TMEM59L: variants seen among roughly 807,000 people sequenced by gnomAD.
TMEM59L encodes transmembrane protein 59-like.
A neutral mutation model predicts 39.6 loss-of-function variants in TMEM59L; 31 were observed. The ratio of observed to expected loss-of-function variants is 0.78; its 90% CI spans 0.59 to 1.06. TMEM59L has a LOEUF of 1.06. Ranked by LOEUF, TMEM59L falls within the 50% of genes least tolerant of loss-of-function variation. The pLI is 0.00. For missense variants in TMEM59L, 441 were observed against 451.3 expected, an observed-to-expected ratio of 0.98 and a Z score of 0.21; for synonymous variants, 219 against 202.9, an observed-to-expected ratio of 1.08 and a Z score of -0.68.
intron 5 of TMEM59L, chr19:18,617,709 A>T: frequency 2.7e-6 from 1 of 371,298 alleles, no homozygotes; most frequent in Non-Finnish European, 5.2e-6. Flanking sequence ...AGGGTTCTGC[A>T]GTCCATCTCC....
Position 18,612,976 on chromosome 19 carries a change from G to A in TMEM59L, c.18G>A (p.Leu6=), listed in dbSNP as rs1328609801. The A allele has an allele frequency of 1.6e-5, 22 of 1,343,346 alleles. No individual in the cohort carries two copies. Among genetic ancestry groups the A allele is most frequent in the Non-Finnish European group, 2.1e-5 (22 of 1,051,288 alleles). 83.2% of individuals were successfully genotyped at this position (1,343,346 alleles called of 1,614,324 possible). Residue 6 remains leucine, a synonymous_variant, in exon 1 of 8, where the codon CTG becomes CTA. Transcript: ENST00000262817. This position sits in a 1 kb window ranked among gnomAD's most constrained non-coding sequence, Gnocchi z 6.2. ...GCCCGGCCATGGCTGCGGTGGCGCT[G>A]ATGCCACCGCCGCTGCTGCTGCTGC... MAAVA[L]MPPPLLLLLL...
rs371885428 is a variant in TMEM59L, at chr19:18,618,772, G to C, written c.900+280G>C. On this transcript the variant is annotated intron_variant, in intron 7 of 7. Coordinates refer to ENST00000262817, the MANE Select transcript of TMEM59L (RefSeq NM_012109.3). ...TGCAATGGCACCATCTCGGCTCACT[G>C]CAACCTCCACCTCCTGGGTTCAAGC... is the stretch of plus-strand genomic sequence containing the variant. Among the ~76,000 whole-genome samples the C allele has an allele frequency of 1.4e-4, 21 of 150,196 alleles. No individual in the cohort carries two copies. In the East Asian group the frequency reaches 1.8e-3, roughly 13 times the overall value.
chr19:18,617,138 G>T (rs772227425), intron 5 of TMEM59L, 36 bp downstream of exon 5: 2 of 1,533,814 alleles, frequency 1.3e-6, no homozygotes, highest in Admixed American at 1.7e-5. Flanking sequence ...CCTTCCATGG[G>T]TGGCCCCACT....
rs1225576645 is a variant in TMEM59L at position 18,617,578 on chromosome 19, T to C, written c.664+476T>C. The C allele has an allele frequency of 6.6e-6, 3 of 455,626 alleles. No homozygotes were observed. The Admixed American group carries it at 7.1e-5, about 11-fold the overall frequency. The allele number at this position is 455,626 out of a possible 1,614,324, so 28.2% of individuals were successfully genotyped here. The stretch of plus-strand genomic sequence containing the variant: ...CATCTCTCAGAGTTCCATGGGTTCA[T>C]CTCCTAGGGTCATCTCCTAGGGTCC... On this transcript the variant is annotated intron_variant, in intron 5 of 7. Transcript: ENST00000262817.
In TMEM59L at chr19:18,620,717, G is replaced by A. The variant is rs1333578137; in HGVS notation, c.*181G>A. 1.1e-6 allele frequency: 1 copy of A among 891,684 alleles called. No homozygotes were observed. Among genetic ancestry groups the A allele is most frequent in the African/African-American group, 1.7e-5 (1 of 59,160 alleles). 55.2% of individuals were successfully genotyped at this position (891,684 alleles called of 1,614,324 possible). A position where few individuals can be genotyped will look rare whatever the true frequency, so the allele number is the denominator to read the frequency against. ...CCTGGGGACGCAGTGCCCCAGCTGG[G>A]AAGAGGGCGGGATCGGGCACTGGTT... is the stretch of plus-strand genomic sequence containing the variant. On this transcript the variant is annotated 3_prime_UTR_variant, in exon 8 of 8. Coordinates refer to ENST00000262817, the MANE Select transcript of TMEM59L (RefSeq NM_012109.3).
Position 18,618,452 on chromosome 19 carries a change from C to T in TMEM59L, c.860C>T (p.Ser287Phe), listed in dbSNP as rs1331288898. The change falls in exon 7 of 8, where the codon TCC (serine) becomes TTC (phenylalanine). Residue 287 changes from serine to phenylalanine, a missense_variant. Transcript: ENST00000262817. Reference sequence around the variant, plus strand: ...CTGGTGATGCTGTGGCTGAGCTGCTCCACCCTGGTGACCGCGCCTGGCCAG... The same window carrying T: ...CTGGTGATGCTGTGGCTGAGCTGCTTCACCCTGGTGACCGCGCCTGGCCAG... ...SVLVMLWLSC[S>F]TLVTAPGQHL... is the part of the protein sequence containing the mutation. The T allele has an allele frequency of 6.2e-7, 1 of 1,607,612 alleles. No individual in the cohort carries two copies. Among genetic ancestry groups the T allele is most frequent in the Admixed American group, 1.7e-5 (1 of 59,574 alleles).
In TMEM59L at chr19:18,613,077, A is replaced by C; in HGVS notation, c.119A>C (p.Gln40Pro). The C allele has an allele frequency of 2.9e-6, 4 of 1,358,792 alleles. No homozygotes were observed. The highest frequency in any genetic ancestry group is 3.8e-6 in the Non-Finnish European group (4 of 1,058,430). 84.2% of individuals were successfully genotyped at this position (1,358,792 alleles called of 1,614,324 possible). Residue 40 changes from glutamine (Q) to proline (P), a missense_variant, in exon 1 of 8, where the codon CAG (glutamine) becomes CCG (proline). Coordinates refer to ENST00000262817, the MANE Select transcript of TMEM59L (RefSeq NM_012109.3). Reference protein sequence around the residue: ...DPFAPQLGDTQNCQLRCRDRD... With the variant: ...DPFAPQLGDTPNCQLRCRDRD... ...TTCGCCCCCCAGCTCGGGGACACGC[A>C]GAACTGCCAGCTGCGGTGCCGCGAC...
At chr19:18,617,973 CTAGGATCCATCT>C in intron 5 of TMEM59L, 170 bp from the exon 6 acceptor site, 1 of 652,686 alleles carries the variant, frequency 1.5e-6, no homozygotes, top group South Asian at 1.8e-5. Context: ...GGTTCATCTC[CTAGGATCCATCT>C]CCCAGGGTTC....
intron 3 of TMEM59L, 67 bp downstream of exon 3, chr19:18,614,262 ATCT>A (rs1976405131): frequency 6.7e-7 from 1 of 1,503,624 alleles, no homozygotes; most frequent in African/African-American, 1.4e-5. Context: ...CCCGTGGGAA[ATCT>A]TCATTCACGT....
Position 18,617,049 on chromosome 19 carries a change from G to A in TMEM59L, c.611G>A (p.Arg204His), listed in dbSNP as rs539154738. ...SLGFQGGRLQRVEVTWRGSHP... is the reference protein window; with the variant it reads ...SLGFQGGRLQHVEVTWRGSHP... The stretch of plus-strand genomic sequence containing the variant: ...GGCTTCCAGGGGGGCCGTCTGCAGC[G>A]CGTGGAGGTGACCTGGCGAGGCTCC... The change falls in exon 5 of 8, where the codon CGC (arginine) becomes CAC (histidine). Residue 204 changes from arginine (R) to histidine (H), a missense_variant. Arg to His is a conservative substitution (Grantham distance 29, BLOSUM62 0). Coordinates refer to ENST00000262817, the MANE Select transcript of TMEM59L (RefSeq NM_012109.3). The A allele has an allele frequency of 1.1e-4, 180 of 1,613,348 alleles. 1 individual carries two copies. In the Admixed American group the frequency reaches 1.9e-3, roughly 17 times the overall value.
At position 18,616,984 on chromosome 19, in the gene TMEM59L, C is replaced by A; in HGVS notation, c.562-16C>A. On this transcript the variant is annotated splice_polypyrimidine_tract_variant and intron_variant, in intron 4 of 7. Transcript: ENST00000262817. ...GTTCTCACAAGCCTCTCTGTGCTGT[C>A]TTGTTCCTGGCCCAGACTCAGCCCA... The A allele has an allele frequency of 6.3e-7, 1 of 1,594,024 alleles. No homozygotes were observed. The highest frequency in any genetic ancestry group is 8.6e-7 in the Non-Finnish European group (1 of 1,168,418).
rs57681167 is a variant in TMEM59L at position 18,619,973 on chromosome 19, TCACACACACACA to T, written c.901-398_901-387del. On this transcript the variant is annotated intron_variant, in intron 7 of 7. Coordinates refer to ENST00000262817, the MANE Select transcript of TMEM59L (RefSeq NM_012109.3). ...AGCCTGGACAACAGAGAAGACCCCA[TCACACACACACA>T]CACACACACACACACACACACACAC... Among the ~76,000 whole-genome samples the T allele has an allele frequency of 9.9e-3, 1,155 of 116,914 alleles. 18 individuals carry two copies. Among genetic ancestry groups the T allele is most frequent in the African/African-American group, 0.033 (962 of 29,578 alleles). 76.7% of individuals were successfully genotyped at this position (116,914 alleles called of 152,430 possible).
intron 7 of TMEM59L, among the ~76,000 whole-genome samples, chr19:18,619,576 G>A (rs1460577092): frequency 6.6e-6 from 1 of 152,074 alleles, no homozygotes; most frequent in Admixed American, 6.6e-5. Flanking sequence ...AGGCCGAGGT[G>A]GGCGGATCAC....
chr19:18,619,416 C>T (rs893331196), intron 7 of TMEM59L, among the ~76,000 whole-genome samples: 4 of 152,206 alleles, frequency 2.6e-5, no homozygotes, highest in Admixed American at 2.0e-4. Flanking sequence ...GTGTTGGCCT[C>T]ACCTCTATCA....
In TMEM59L at chr19:18,616,987, G is replaced by A; in HGVS notation, c.562-13G>A. 3 of 1,597,568 alleles carry A rather than the reference G, an allele frequency of 1.9e-6. No homozygotes were observed. The highest frequency in any genetic ancestry group is 2.6e-6 in the Non-Finnish European group (3 of 1,170,766). ...CTCACAAGCCTCTCTGTGCTGTCTTGTTCCTGGCCCAGACTCAGCCCATAG... is the reference window on the plus strand; with the variant it reads ...CTCACAAGCCTCTCTGTGCTGTCTTATTCCTGGCCCAGACTCAGCCCATAG... On this transcript the variant is annotated splice_polypyrimidine_tract_variant and intron_variant, in intron 4 of 7. Transcript: ENST00000262817.
Position 18,617,057 on chromosome 19 carries a change from G to A in TMEM59L, c.619G>A (p.Val207Met), listed in dbSNP as rs762607917. Residue 207 changes from valine to methionine, a missense_variant, in exon 5 of 8, where the codon GTG becomes ATG. Val to Met is a conservative substitution (Grantham distance 21). Transcript: ENST00000262817. ...GGGGGGCCGTCTGCAGCGCGTGGAG[G>A]TGACCTGGCGAGGCTCCCACCCTGA... ...FQGGRLQRVE[V>M]TWRGSHPEAL... is the part of the protein sequence containing the mutation. The A allele has an allele frequency of 2.5e-6, 4 of 1,613,288 alleles. No homozygotes were observed. The highest frequency in any genetic ancestry group is 3.4e-6 in the Non-Finnish European group (4 of 1,179,920).
intron 7 of TMEM59L, 115 bp from the exon 8 acceptor site, chr19:18,620,293 C>T: frequency 1.9e-6 from 2 of 1,062,754 alleles, no homozygotes; most frequent in Non-Finnish European, 2.6e-6. Context: ...CAGAGAGAGA[C>T]TCTCTCAAAA....
chr19:18,613,085 C>G lies in TMEM59L; in HGVS notation c.127C>G (p.Gln43Glu). ...APQLGDTQNC[Q>E]LRCRDRDLGP... Reference sequence around the variant, plus strand: ...CCAGCTCGGGGACACGCAGAACTGCCAGCTGCGGTGCCGCGACCGCGACCT... The same window carrying G: ...CCAGCTCGGGGACACGCAGAACTGCGAGCTGCGGTGCCGCGACCGCGACCT... The change falls in exon 1 of 8, where the codon CAG becomes GAG. Residue 43 changes from glutamine (Q) to glutamate (E), a missense_variant. By Grantham distance (29) the Gln-to-Glu change is conservative. Transcript: ENST00000262817. 7.4e-7 allele frequency: 1 copy of G among 1,346,238 alleles called. No homozygotes were observed. Among genetic ancestry groups the G allele is most frequent in the Non-Finnish European group, 9.5e-7 (1 of 1,052,230 alleles). 83.4% of individuals were successfully genotyped at this position (1,346,238 alleles called of 1,614,324 possible).
At chr19:18,618,902 C>G (rs967488968) in intron 7 of TMEM59L, among the ~76,000 whole-genome samples, 12 of 151,672 alleles carry the variant, frequency 7.9e-5, no homozygotes, top group African/African-American at 2.9e-4. Context: ...ACCATGTTGG[C>G]CAGGCTGGTC....
Sources: gnomAD v4.1 joint callset for allele counts (sites outside exome capture counted in the v4.1 genomes callset) on GRCh38, gnomAD v4.1.1 for gene constraint, Gnocchi (gnomAD v3.1) non-coding constraint, MANE v1.5 for transcripts, NCBI Gene and HGNC (gene_info 2026-07-23, HGNC 2026-07-21) for gene names.